Variants in RALGPS2 observed in about 807,000 individuals in gnomAD.
RALGPS2 encodes Ral GEF with PH domain and SH3 binding motif 2.
A neutral mutation model predicts 86.8 loss-of-function variants in RALGPS2; 43 were observed. The ratio of observed to expected loss-of-function variants is 0.50; its 90% CI spans 0.39 to 0.64. The LOEUF is 0.64. Ranked by LOEUF, RALGPS2 falls within the 30% of genes least tolerant of loss-of-function variation. RALGPS2 has a pLI of 0.00. For synonymous variants in RALGPS2, 243 were observed against 231.3 expected, an observed-to-expected ratio of 1.05 and a Z score of -0.46; for missense variants, 536 against 694.6, an observed-to-expected ratio of 0.77 and a Z score of 2.57.
At chr1:178,795,766 T>C (rs1310612748) in intron 4 of RALGPS2, among the ~76,000 whole-genome samples, 1 of 152,196 alleles carries the variant, frequency 6.6e-6, no homozygotes, top group Non-Finnish European at 1.5e-5. Context: ...TTTCCGACAG[T>C]ATATAGAAAA....
rs201897587 is a variant in RALGPS2, at chr1:178,784,393, G to C, written c.58-25G>C. On this transcript the variant is annotated intron_variant, in intron 2 of 19. Transcript: ENST00000367635. ...TTGATTGTGAGACAGTATGTAAAAGGCTGCATTTTCTTTCACTTTAACAGA... is the reference window on the plus strand; with the variant it reads ...TTGATTGTGAGACAGTATGTAAAAGCCTGCATTTTCTTTCACTTTAACAGA... 4,932 of 1,561,426 alleles carry C rather than the reference G, an allele frequency of 3.2e-3. 27 individuals carry two copies. The highest frequency in any genetic ancestry group is 0.016 in the Middle Eastern group (92 of 5,882).
At chr1:178,747,282 G>T in intron 1 of RALGPS2, 2 of 1,518,486 alleles carry the variant, frequency 1.3e-6, no homozygotes, top group Non-Finnish European at 1.8e-6. Context: ...AATGAAGCTG[G>T]TGATTGAGGG....
intron 6 of RALGPS2, among the ~76,000 whole-genome samples, chr1:178,817,532 G>A (rs1655291299): frequency 6.6e-6 from 1 of 151,684 alleles, no homozygotes; most frequent in Non-Finnish European, 1.5e-5. Flanking sequence ...CTGTAGCTTT[G>A]TAGTAAGCCT....
At chr1:178,736,198 C>A (rs1650693710) in intron 1 of RALGPS2, among the ~76,000 whole-genome samples, 1 of 148,124 alleles carries the variant, frequency 6.8e-6, no homozygotes, top group Non-Finnish European at 1.5e-5. Context: ...CAGAGTCTCA[C>A]TGTGTCGCCC....
At chr1:178,894,782 T>C (rs1572459346) in intron 16 of RALGPS2, among the ~76,000 whole-genome samples, 1 of 152,218 alleles carries the variant, frequency 6.6e-6, no homozygotes, top group East Asian at 1.9e-4. Flanking sequence ...ATGTGCCATA[T>C]AGATTTCTGT....
chr1:178,885,505 T>TA (rs1659442674), intron 12 of RALGPS2: 1 of 251,054 alleles, frequency 4.0e-6, no homozygotes, highest in Admixed American at 5.1e-5. Flanking sequence ...TTAAAAGAGT[T>TA]ACAACCTTTA....
At chr1:178,899,848 T>C (rs913615510) in intron 17 of RALGPS2, among the ~76,000 whole-genome samples, 27 of 152,000 alleles carry the variant, frequency 1.8e-4, no homozygotes, top group Admixed American at 6.6e-4. Flanking sequence ...GTATGTCTTT[T>C]AGTTGAATCC....
rs568109979 is a variant in RALGPS2 at position 178,895,534 on chromosome 1, T to C, written c.1431+1510T>C. 3.3e-5 allele frequency among the ~76,000 whole-genome samples: 5 copies of C among 152,150 alleles called. No individual in the cohort carries two copies. The East Asian group carries it at 9.7e-4, about 29-fold the overall frequency. On this transcript the variant is annotated intron_variant, in intron 16 of 19. Transcript: ENST00000367635. ...GAGGGATGCCACCATGGCAAAACATTTGAGCTGAGATCTGAATGAGGAAGG... is the reference window on the plus strand; with the variant it reads ...GAGGGATGCCACCATGGCAAAACATCTGAGCTGAGATCTGAATGAGGAAGG...
chr1:178,849,863 C>T (rs1282365439), intron 8 of RALGPS2: 2 of 152,158 alleles, frequency 1.3e-5, no homozygotes, highest in Non-Finnish European at 2.9e-5. Flanking sequence ...CATTTCAATT[C>T]GAGGTTTTCT....
At chr1:178,859,459 A>G (rs1386296964) in intron 8 of RALGPS2, among the ~76,000 whole-genome samples, 2 of 135,998 alleles carry the variant, frequency 1.5e-5, no homozygotes, top group Non-Finnish European at 3.0e-5. Flanking sequence ...GCTGGAGTGC[A>G]GTGTCACGAT....
chr1:178,802,528 A>G (rs1654528053), intron 4 of RALGPS2, among the ~76,000 whole-genome samples: 1 of 152,168 alleles, frequency 6.6e-6, no homozygotes, highest in Non-Finnish European at 1.5e-5. Flanking sequence ...CTGTGATAAT[A>G]CAATTTACTG....
chr1:178,793,108 GA>G (rs1654037606), intron 4 of RALGPS2, among the ~76,000 whole-genome samples: 1 of 152,084 alleles, frequency 6.6e-6, no homozygotes, highest in Admixed American at 6.5e-5. Context: ...AAAGCCCTTT[GA>G]ATTACAGAAG....
chr1:178,740,765 C>T (rs1650975141), intron 1 of RALGPS2, among the ~76,000 whole-genome samples: 1 of 152,166 alleles, frequency 6.6e-6, no homozygotes, highest in Non-Finnish European at 1.5e-5. Flanking sequence ...TCCTGCCCTT[C>T]TTGAGACTGC....
intron 8 of RALGPS2, among the ~76,000 whole-genome samples, chr1:178,854,453 C>G (rs1657395323): frequency 6.6e-6 from 1 of 152,060 alleles, no homozygotes; most frequent in South Asian, 2.1e-4. Flanking sequence ...GACTGAAAAG[C>G]CCTGAAATAA....
At chr1:178,871,566 T>A (rs1264880871) in intron 8 of RALGPS2, among the ~76,000 whole-genome samples, 1 of 152,198 alleles carries the variant, frequency 6.6e-6, no homozygotes, top group Non-Finnish European at 1.5e-5. Flanking sequence ...AAACTTGATG[T>A]TGTTGTAGTA....
intron 7 of RALGPS2, among the ~76,000 whole-genome samples, chr1:178,826,627 T>C (rs1316515747): frequency 1.3e-5 from 2 of 152,196 alleles, no homozygotes; most frequent in Admixed American, 6.5e-5. Flanking sequence ...CTTTTGGATA[T>C]GGATGTTGGT....
chr1:178,864,001 T>C lies in RALGPS2; in HGVS notation c.608-13497T>C, dbSNP rs1266902255. ...GAGCTGCAATTTATTTACTCGTTGC[T>C]TTGGGGCATTTGGGTTTTCCCTTCC... On this transcript the variant is annotated intron_variant, in intron 8 of 19. Transcript: ENST00000367635. Among the ~76,000 whole-genome samples, 6 of 152,214 alleles carry C rather than the reference T, an allele frequency of 3.9e-5. No individual in the cohort carries two copies. The East Asian group carries it at 1.2e-3, about 29-fold the overall frequency.
chr1:178,858,499 A>G (rs1411637577), intron 8 of RALGPS2, among the ~76,000 whole-genome samples: 2 of 152,184 alleles, frequency 1.3e-5, no homozygotes, highest in Non-Finnish European at 2.9e-5. Context: ...TTCAAAAGGT[A>G]TAAACTGGAA....
intron 8 of RALGPS2, among the ~76,000 whole-genome samples, chr1:178,862,983 G>A (rs1011627775): frequency 6.6e-6 from 1 of 152,176 alleles, no homozygotes; most frequent in Admixed American, 6.5e-5. Flanking sequence ...TGAGTGCCAG[G>A]CACTGTTCTA....
Sources: gnomAD v4.1 joint callset for allele counts (sites outside exome capture counted in the v4.1 genomes callset) on GRCh38, gnomAD v4.1.1 for gene constraint, MANE v1.5 for transcripts, NCBI Gene and HGNC (gene_info 2026-07-23, HGNC 2026-07-21) for gene names.